Variants in GPR19 observed in about 807,000 individuals in gnomAD.
GPR19 encodes the protein probable G protein-coupled receptor 19.
GPR19 carries 14 observed loss-of-function variants against 28.5 expected under a neutral mutation model. That is an observed-to-expected ratio of 0.49 (90% CI 0.32 to 0.77). The LOEUF (loss-of-function observed/expected upper bound fraction) is 0.77. Among genes scored for constraint, GPR19 ranks in the 30% least tolerant of loss-of-function variants. GPR19 has a pLI of 0.03. For synonymous variants in GPR19, 173 were observed against 184.1 expected, an observed-to-expected ratio of 0.94 and a Z score of 0.49; for missense variants, 409 against 504.1, an observed-to-expected ratio of 0.81 and a Z score of 1.81.
intron 3 of GPR19, among the ~76,000 whole-genome samples, chr12:12,663,660 G>A (rs530863975): frequency 1.3e-5 from 2 of 152,238 alleles, no homozygotes; most frequent in East Asian, 1.9e-4. Flanking sequence ...GCTTAATTTG[G>A]TCTGAATCCA....
the GPR19 span, among the ~76,000 whole-genome samples, chr12:12,705,899 G>C: frequency 6.6e-6 from 1 of 152,074 alleles, no homozygotes; most frequent in African/African-American, 2.4e-5. Context: ...GAAGGAAACA[G>C]TGTAAAACCA....
At chr12:12,683,764 T>G (rs994474909) in intron 3 of GPR19, among the ~76,000 whole-genome samples, 1 of 152,250 alleles carries the variant, frequency 6.6e-6, no homozygotes, top group African/African-American at 2.4e-5. Context: ...GTAACTTTGG[T>G]AGATTCCTTT....
chr12:12,687,695 C>A (rs1436992801), intron 2 of GPR19, among the ~76,000 whole-genome samples: 1 of 152,202 alleles, frequency 6.6e-6, no homozygotes, highest in Admixed American at 6.5e-5. Context: ...AATTAGGTAA[C>A]AAATCCTTTT....
At chr12:12,699,305 G>A (rs1946301740), upstream of GPR19, among the ~76,000 whole-genome samples, 1 of 152,068 alleles carries the variant, frequency 6.6e-6, no homozygotes, top group Admixed American at 6.6e-5. Flanking sequence ...TCGTGCCACA[G>A]CACTCCAGCC....
the GPR19 span, among the ~76,000 whole-genome samples, chr12:12,704,275 G>C: frequency 6.6e-6 from 1 of 152,210 alleles, no homozygotes; most frequent in Non-Finnish European, 1.5e-5. Flanking sequence ...GCTGAGATGG[G>C]CGGATCACTT....
intron 3 of GPR19, among the ~76,000 whole-genome samples, chr12:12,671,559 G>C (rs1201832352): frequency 6.6e-6 from 1 of 151,970 alleles, no homozygotes; most frequent in Non-Finnish European, 1.5e-5. Flanking sequence ...GCTCAGACTG[G>C]GTATATTTTC....
chr12:12,678,645 C>A (rs1423361168), intron 3 of GPR19, among the ~76,000 whole-genome samples: 1 of 152,160 alleles, frequency 6.6e-6, no homozygotes, highest in Non-Finnish European at 1.5e-5. Flanking sequence ...GGCCTGCCCC[C>A]AATTTGAAGA....
At chr12:12,716,008 TA>T in the GPR19 span, 218 of 152,342 alleles carry the variant, frequency 1.4e-3, 1 homozygote, top group Non-Finnish European at 2.7e-3. Context: ...TGGTTTCCAG[TA>T]AAATGCATTA....
At chr12:12,680,631 C>T (rs988899248) in intron 3 of GPR19, among the ~76,000 whole-genome samples, 14 of 152,022 alleles carry the variant, frequency 9.2e-5, no homozygotes, top group Admixed American at 6.5e-4. Context: ...CTCCGTCTCC[C>T]GAGGACCTGG....
At chr12:12,694,628 A>G (rs1344797093) in intron 2 of GPR19, among the ~76,000 whole-genome samples, 1 of 152,162 alleles carries the variant, frequency 6.6e-6, no homozygotes, top group Non-Finnish European at 1.5e-5. Context: ...TCATTTTGTC[A>G]TTACAATAAT....
intron 3 of GPR19, chr12:12,669,191 C>T (rs1008432102): frequency 2.0e-5 from 3 of 152,246 alleles, no homozygotes; most frequent in Middle Eastern, 3.2e-3. Flanking sequence ...AAAATGATCA[C>T]TCCCACAACG....
At chr12:12,716,588 G>A in the GPR19 span, among the ~76,000 whole-genome samples, 1 of 149,478 alleles carries the variant, frequency 6.7e-6, no homozygotes, top group Non-Finnish European at 1.5e-5. Flanking sequence ...AGTTTATTAA[G>A]GGACTTGAGA....
chr12:12,705,577 G>A, the GPR19 span, among the ~76,000 whole-genome samples: 1 of 151,078 alleles, frequency 6.6e-6, no homozygotes, highest in Non-Finnish European at 1.5e-5. Context: ...ACAGGATCTC[G>A]CTCTGTTGCC....
upstream of GPR19, among the ~76,000 whole-genome samples, chr12:12,699,436 C>T (rs1946303039): frequency 6.7e-6 from 1 of 150,018 alleles, no homozygotes; most frequent in South Asian, 2.1e-4. Context: ...TTACTTTTAG[C>T]TCTGCACTCA....
chr12:12,683,337 C>T (rs1042341834), intron 3 of GPR19, among the ~76,000 whole-genome samples: 1 of 152,206 alleles, frequency 6.6e-6, no homozygotes, highest in Non-Finnish European at 1.5e-5. Flanking sequence ...ATTCAATCTT[C>T]TAGTAGCGTC....
At chr12:12,696,339 C>CTT (rs578240364), upstream of GPR19, 14 of 88,684 alleles carry the variant, frequency 1.6e-4, 2 homozygotes, top group African/African-American at 4.3e-4. Context: ...CCCACCCGCC[C>CTT]TTTTTTTTTT....
chr12:12,667,887 G>A (rs1189765182), intron 3 of GPR19, among the ~76,000 whole-genome samples: 2 of 152,128 alleles, frequency 1.3e-5, no homozygotes, highest in East Asian at 1.9e-4. Flanking sequence ...GGGGCACATA[G>A]CTATTAAAAA....
intron 2 of GPR19, among the ~76,000 whole-genome samples, chr12:12,687,006 A>C (rs1407297710): frequency 6.6e-6 from 1 of 152,240 alleles, no homozygotes; most frequent in Non-Finnish European, 1.5e-5. Context: ...TGCCAAAGTT[A>C]TAATCACCAA....
At chr12:12,665,014 A>G (rs1945747797) in intron 3 of GPR19, among the ~76,000 whole-genome samples, 1 of 151,424 alleles carries the variant, frequency 6.6e-6, no homozygotes, top group Admixed American at 6.6e-5. Flanking sequence ...TCATACATAT[A>G]AGATTGAAAT....
Sources: allele counts gnomAD v4.1 joint callset (sites outside exome capture counted in the v4.1 genomes callset), GRCh38; gene constraint gnomAD v4.1.1; transcripts MANE v1.5; gene names NCBI Gene and HGNC (gene_info 2026-07-23, HGNC 2026-07-21).